The following SRGAP3 variants were observed in gnomAD, a reference collection of about 807,000 sequenced individuals.
SRGAP3 encodes the protein SLIT-ROBO Rho GTPase activating protein 3, also known as SLIT-ROBO Rho GTPase-activating protein 3.
Under a neutral mutation model 121.1 loss-of-function variants are expected in SRGAP3, and 39 were observed. The observed-to-expected ratio is 0.32, with a 90% CI of 0.25 to 0.42. The LOEUF (loss-of-function observed/expected upper bound fraction) is 0.42, where lower values mean the gene tolerates loss of function less well. Among genes scored for constraint, SRGAP3 ranks in the 10% least tolerant of loss-of-function variants. The pLI is 1.00. For missense variants in SRGAP3, 1,213 were observed against 1,470.6 expected (o/e 0.82, Z 2.86); for synonymous variants, 601 against 570.0 (o/e 1.05, Z -0.77).
At chr3:9,311,058 T>C (rs1955233114) in intron 3 of SRGAP3, among the ~76,000 whole-genome samples, 1 of 151,678 alleles carries the variant, frequency 6.6e-6, no homozygotes, top group African/African-American at 2.4e-5. Flanking sequence ...TAATCCCAGC[T>C]ACTCGGAAGG....
At chr3:9,257,156 T>G (rs1242056149) in intron 3 of SRGAP3, among the ~76,000 whole-genome samples, 3 of 152,210 alleles carry the variant, frequency 2.0e-5, no homozygotes, top group Non-Finnish European at 4.4e-5. Context: ...TTTTTTTAAT[T>G]CTAAAGCATG....
At chr3:9,314,235 G>A (rs1450095067) in intron 3 of SRGAP3, among the ~76,000 whole-genome samples, 1 of 152,126 alleles carries the variant, frequency 6.6e-6, no homozygotes, top group Non-Finnish European at 1.5e-5. Context: ...TCCAGTTGTG[G>A]AAGTTAGGCA....
intron 4 of SRGAP3, among the ~76,000 whole-genome samples, chr3:9,068,057 C>G (rs1164713541): frequency 6.6e-6 from 1 of 152,174 alleles, no homozygotes; most frequent in Non-Finnish European, 1.5e-5. Context: ...CACAGACAAC[C>G]CTGGGTTCTT....
chr3:9,064,670 ACT>A, intron 4 of SRGAP3, 89 bp from the exon 5 acceptor site: 1 of 1,506,922 alleles, frequency 6.6e-7, no homozygotes, highest in Admixed American at 1.7e-5. Flanking sequence ...CAAGTTCTAC[ACT>A]CTAGCTGGCC....
intron 4 of SRGAP3, among the ~76,000 whole-genome samples, chr3:9,075,477 G>T (rs1946932636): frequency 6.6e-6 from 1 of 152,168 alleles, no homozygotes; most frequent in Non-Finnish European, 1.5e-5. Flanking sequence ...AGCAGATAAG[G>T]ACTGGGTGAT....
intron 3 of SRGAP3, among the ~76,000 whole-genome samples, chr3:9,274,625 T>C (rs186646869): frequency 6.6e-6 from 1 of 152,342 alleles, no homozygotes; most frequent in Admixed American, 6.5e-5. Context: ...CTTTTACACC[T>C]GCACCCAATT....
chr3:9,238,373 A>G (rs1245844073), intron 1 of SRGAP3, among the ~76,000 whole-genome samples: 1 of 152,204 alleles, frequency 6.6e-6, no homozygotes, highest in South Asian at 2.1e-4. Context: ...GCAGAAAAAG[A>G]GTCAATTCTT....
At chr3:9,257,161 A>G (rs1954149032) in intron 3 of SRGAP3, among the ~76,000 whole-genome samples, 1 of 152,200 alleles carries the variant, frequency 6.6e-6, no homozygotes, top group Non-Finnish European at 1.5e-5. Context: ...TTAATTCTAA[A>G]GCATGGGGTA....
chr3:9,099,792 A>T (rs1367995830), intron 3 of SRGAP3, among the ~76,000 whole-genome samples: 1 of 152,250 alleles, frequency 6.6e-6, no homozygotes, highest in Admixed American at 6.5e-5. Flanking sequence ...TCTGCATTTA[A>T]TAAAGCCTCC....
At chr3:9,341,917 G>A (rs192242890) in intron 1 of SRGAP3, among the ~76,000 whole-genome samples, 24 of 152,234 alleles carry the variant, frequency 1.6e-4, no homozygotes, top group African/African-American at 2.2e-4. Context: ...TGCTACCGGC[G>A]TTCTCCTAAC....
intron 3 of SRGAP3, among the ~76,000 whole-genome samples, chr3:9,319,068 TAC>T (rs1955398937): frequency 6.6e-6 from 1 of 151,872 alleles, no homozygotes; most frequent in Admixed American, 6.6e-5. Flanking sequence ...TTTAAATACA[TAC>T]ACACACATAT....
At chr3:9,215,831 G>A (rs1292893560) in intron 1 of SRGAP3, among the ~76,000 whole-genome samples, 1 of 152,182 alleles carries the variant, frequency 6.6e-6, no homozygotes, top group African/African-American at 2.4e-5. Flanking sequence ...TTTGGCCTTA[G>A]ACTGAAAGCT....
intron 11 of SRGAP3, among the ~76,000 whole-genome samples, chr3:9,033,200 G>T (rs1032713540): frequency 9.2e-5 from 14 of 152,196 alleles, no homozygotes; most frequent in African/African-American, 2.4e-4. Context: ...AACTCCCAAT[G>T]TACCAGGGCA....
chr3:8,984,622 A>G lies in SRGAP3; in HGVS notation c.*897T>C, dbSNP rs543535779. On this transcript the variant is annotated 3_prime_UTR_variant, in exon 22 of 22. Coordinates refer to ENST00000383836, the MANE Select transcript of SRGAP3 (RefSeq NM_014850.4). ...TCACTATCCCCCGTCTCTACACACA[A>G]ACACAAGGATGTGGTAGTCAGGGGT... The G allele has an allele frequency of 1.7e-4, 39 of 232,552 alleles. No individual in the cohort carries two copies. The highest frequency in any genetic ancestry group is 3.0e-4 in the Non-Finnish European group (35 of 117,598). The allele number at this position is 232,552 out of a possible 1,614,324, so 14.4% of individuals were successfully genotyped here.
chr3:9,136,390 T>TG (rs1949654264), intron 1 of SRGAP3, among the ~76,000 whole-genome samples: 1 of 114,428 alleles, frequency 8.7e-6, no homozygotes, highest in Non-Finnish European at 1.7e-5. Flanking sequence ...CAACCGTCGC[T>TG]GGGACCCCCC....
rs112427769 is a variant in SRGAP3, at chr3:9,053,539, G to T, written c.1126-315C>A. Among the ~76,000 whole-genome samples, 737 of 152,302 alleles carry T rather than the reference G, an allele frequency of 4.8e-3. 7 individuals are homozygous for T. The highest frequency in any genetic ancestry group is 0.017 in the African/African-American group (691 of 41,556). On this transcript the variant is annotated intron_variant, in intron 8 of 21. Coordinates refer to ENST00000383836, the MANE Select transcript of SRGAP3 (RefSeq NM_014850.4). Reference sequence around the variant, plus strand: ...CAGGTTTCTAGGTTTGTTTCTCTTAGCCTAATTATGTAACTCAAAACAAGT... The same window carrying T: ...CAGGTTTCTAGGTTTGTTTCTCTTATCCTAATTATGTAACTCAAAACAAGT...
intron 21 of SRGAP3, among the ~76,000 whole-genome samples, chr3:8,987,787 T>C (rs1941807093): frequency 6.6e-6 from 1 of 152,048 alleles, no homozygotes; most frequent in Non-Finnish European, 1.5e-5. Flanking sequence ...TGGGGGCAAT[T>C]TTCTGCAGGA....
At chr3:9,186,712 G>A (rs1951605044) in intron 1 of SRGAP3, among the ~76,000 whole-genome samples, 2 of 152,224 alleles carry the variant, frequency 1.3e-5, no homozygotes, top group South Asian at 2.1e-4. Flanking sequence ...CTGACCCCAG[G>A]AATAATCATG....
chr3:9,058,113 G>GAAGTTTATGAACCA, intron 7 of SRGAP3, 138 bp downstream of exon 7: 1 of 892,704 alleles, frequency 1.1e-6, no homozygotes, highest in Non-Finnish European at 1.8e-6. Flanking sequence ...TCCTCAGCTG[G>GAAGTTTATGAACCA]GGAAGCCCAT....
Sources: allele counts gnomAD v4.1 joint callset (sites outside exome capture counted in the v4.1 genomes callset), GRCh38; gene constraint gnomAD v4.1.1; transcripts MANE v1.5; gene names NCBI Gene and HGNC (gene_info 2026-07-23, HGNC 2026-07-21).